STIL: variants seen among roughly 807,000 people sequenced by gnomAD.
STIL encodes SCL-interrupting locus protein.
Under a neutral mutation model 110.1 loss-of-function variants are expected in STIL, and 55 were observed. That is an observed-to-expected ratio of 0.50 (90% CI 0.40 to 0.63). STIL has a LOEUF of 0.63. Among genes scored for constraint, STIL ranks in the 20% least tolerant of loss-of-function variants. STIL has a pLI of 0.00. For missense variants in STIL, 1,358 were observed against 1,530.0 expected, an observed-to-expected ratio of 0.89 and a Z score of 1.87; for synonymous variants, 481 against 530.0, an observed-to-expected ratio of 0.91 and a Z score of 1.27.
intron 14 of STIL, among the ~76,000 whole-genome samples, chr1:47,263,973 G>A (rs1399248842): frequency 6.6e-6 from 1 of 151,928 alleles, no homozygotes; most frequent in Non-Finnish European, 1.5e-5. Context: ...GGCTGGTCTC[G>A]AACTCCTGAC....
chr1:47,286,439 T>TG (rs1645301659), intron 10 of STIL, among the ~76,000 whole-genome samples: 1 of 151,844 alleles, frequency 6.6e-6, no homozygotes, highest in Non-Finnish European at 1.5e-5. Flanking sequence ...CCGGGTGTGG[T>TG]GGCTCACGCC....
intron 6 of STIL, among the ~76,000 whole-genome samples, chr1:47,298,730 C>A (rs982590327): frequency 6.6e-6 from 1 of 151,374 alleles, no homozygotes; most frequent in African/African-American, 2.4e-5. Flanking sequence ...AATTATCAAC[C>A]AATTTGTTTT....
chr1:47,252,431 G>A (rs1644211608), intron 16 of STIL, among the ~76,000 whole-genome samples: 2 of 152,014 alleles, frequency 1.3e-5, no homozygotes, highest in Non-Finnish European at 2.9e-5. Flanking sequence ...ACAAATAATA[G>A]CCTAGAAGGT....
Position 47,252,033 on chromosome 1 carries a change from G to A in STIL, c.3081-111C>T, listed in dbSNP as rs1303272126. 12 of 1,134,434 alleles carry A rather than the reference G, an allele frequency of 1.1e-5. No individual in the cohort carries two copies. The African/African-American group carries it at 1.6e-4, about 15-fold the overall frequency. The allele number at this position is 1,134,434 out of a possible 1,614,324, so 70.3% of individuals were successfully genotyped here. A position where few individuals can be genotyped will look rare whatever the true frequency, so the allele number is the denominator to read the frequency against. ...AAAAGATCTTCAGCTTTAAGTTCATGGTCCTTTTATCTAACTACTCAGACA... is the reference window on the plus strand; with the variant it reads ...AAAAGATCTTCAGCTTTAAGTTCATAGTCCTTTTATCTAACTACTCAGACA... On this transcript the variant is annotated intron_variant, in intron 16 of 16. Transcript: ENST00000371877.
intron 15 of STIL, among the ~76,000 whole-genome samples, chr1:47,262,352 C>T (rs983617133): frequency 6.6e-6 from 1 of 152,158 alleles, no homozygotes; most frequent in Non-Finnish European, 1.5e-5. Context: ...ACCAGAATTA[C>T]CCCTTTATTC....
At chr1:47,286,491 G>A (rs866856744) in intron 10 of STIL, among the ~76,000 whole-genome samples, 60 of 151,716 alleles carry the variant, frequency 4.0e-4, no homozygotes, top group Admixed American at 1.6e-3. Flanking sequence ...GGTGGATCAC[G>A]AGGTCAAGAG....
intron 9 of STIL, among the ~76,000 whole-genome samples, chr1:47,288,233 TA>T (rs1265440958): frequency 1.3e-5 from 2 of 151,930 alleles, no homozygotes; most frequent in African/African-American, 4.8e-5. Context: ...AAATAACCAA[TA>T]ATTTTATTGA....
chr1:47,289,955 A>AAAAAAAAAAAAAAAAAAAC (rs1557753515), intron 8 of STIL, among the ~76,000 whole-genome samples: 1 of 149,870 alleles, frequency 6.7e-6, no homozygotes, highest in Non-Finnish European at 1.5e-5. Context: ...AAAAAAAAAA[A>AAAAAAAAAAAAAAAAAAAC]AAAGGAATAA....
chr1:47,294,514 G>A (rs534245192), intron 7 of STIL, among the ~76,000 whole-genome samples: 11 of 152,256 alleles, frequency 7.2e-5, no homozygotes, highest in Admixed American at 3.3e-4. Context: ...GCGAAAGCCC[G>A]CCTCTACAAA....
chr1:47,251,367 C>A lies in STIL; in HGVS notation c.3636G>T (p.Leu1212Phe). ...TTACTAAGAAAGCTGGCTTTTCAGT[C>A]AACTGCTGTTTTGCTTTTGTCTGCA... ...EVLQTKAKQQ[L>F]TEKPAFLVKN... Residue 1212 changes from leucine to phenylalanine, a missense_variant, in exon 17 of 17, where the codon TTG (leucine) becomes TTT (phenylalanine). Leu to Phe is a conservative substitution (Grantham distance 22). Coordinates refer to ENST00000371877, the MANE Select transcript of STIL (RefSeq NM_001048166.1). The A allele has an allele frequency of 1.2e-6, 2 of 1,614,208 alleles. No homozygotes were observed. The highest frequency in any genetic ancestry group is 1.3e-5 in the African/African-American group (1 of 75,048).
chr1:47,261,180 G>A (rs1437268229), intron 15 of STIL, among the ~76,000 whole-genome samples: 3 of 151,936 alleles, frequency 2.0e-5, no homozygotes, highest in Non-Finnish European at 2.9e-5. Flanking sequence ...TTTAGGTCAG[G>A]AGTTCAAGAC....
intron 12 of STIL, among the ~76,000 whole-genome samples, chr1:47,274,728 G>A (rs1644937856): frequency 6.6e-6 from 1 of 151,786 alleles, no homozygotes; most frequent in African/African-American, 2.4e-5. Context: ...ATTAAAGTTG[G>A]AATATTGAAA....
chr1:47,264,016 G>A (rs577794259), intron 14 of STIL, among the ~76,000 whole-genome samples: 164 of 152,244 alleles, frequency 1.1e-3, no homozygotes, highest in African/African-American at 3.8e-3. Flanking sequence ...GCCTCCCCAA[G>A]TGCTGGGATT....
chr1:47,304,087 G>A (rs1344998128), intron 3 of STIL, among the ~76,000 whole-genome samples: 2 of 151,664 alleles, frequency 1.3e-5, no homozygotes, highest in South Asian at 2.1e-4. Flanking sequence ...TACTGAGGTT[G>A]CATAAATAAG....
At chr1:47,258,658 TA>T (rs1313405064) in intron 16 of STIL, among the ~76,000 whole-genome samples, 1 of 152,100 alleles carries the variant, frequency 6.6e-6, no homozygotes, top group Non-Finnish European at 1.5e-5. Flanking sequence ...TGCTTGAGTC[TA>T]AGAGTTTGTC....
intron 16 of STIL, among the ~76,000 whole-genome samples, chr1:47,259,006 T>TTTTTTTTTTTTA (rs55925437): frequency 1.2e-4 from 6 of 51,700 alleles, no homozygotes; most frequent in African/African-American, 3.9e-4. Context: ...TTTTTTTTTT[T>TTTTTTTTTTTTA]GAGACAGTCT....
At chr1:47,289,638 C>T (rs1338742689) in intron 8 of STIL, 53 bp from the exon 9 acceptor site, 20 of 1,487,916 alleles carry the variant, frequency 1.3e-5, no homozygotes, top group Non-Finnish European at 1.8e-5. Context: ...CATGATGACA[C>T]TCAAATAACT....
At chr1:47,311,955 G>A (rs1646138481) in intron 1 of STIL, among the ~76,000 whole-genome samples, 1 of 152,078 alleles carries the variant, frequency 6.6e-6, no homozygotes, top group South Asian at 2.1e-4. Context: ...GCTGGGACAG[G>A]AGAATCACTT....
intron 6 of STIL, 94 bp from the exon 7 acceptor site, chr1:47,295,942 G>T: frequency 1.1e-6 from 1 of 933,640 alleles, no homozygotes; most frequent in South Asian, 1.3e-5. Flanking sequence ...TTAGAAAGGG[G>T]AGATAATTCA....
Sources: allele counts gnomAD v4.1 joint callset (sites outside exome capture counted in the v4.1 genomes callset), GRCh38; gene constraint gnomAD v4.1.1; transcripts MANE v1.5; gene names NCBI Gene and HGNC (gene_info 2026-07-23, HGNC 2026-07-21).